TMEM132D: variants seen among roughly 807,000 people sequenced by gnomAD.
TMEM132D encodes mature OL transmembrane protein.
A neutral mutation model predicts 62.3 loss-of-function variants in TMEM132D; 21 were observed. That is an observed-to-expected ratio of 0.34 (90% confidence interval 0.24 to 0.49). The LOEUF (loss-of-function observed/expected upper bound fraction) is 0.49. TMEM132D is among the 20% of genes least tolerant of loss of function. TMEM132D has a pLI of 0.99. For missense variants in TMEM132D, 1,346 were observed against 1,402.8 expected (o/e 0.96, Z 0.65); for synonymous variants, 621 against 575.6 (o/e 1.08, Z -1.13).
chr12:129,885,472 C>T (rs1289897621), intron 1 of TMEM132D, among the ~76,000 whole-genome samples: 2 of 152,344 alleles, frequency 1.3e-5, no homozygotes, highest in South Asian at 4.1e-4. Context: ...ATGCTTGGAA[C>T]TGATCCTGGC....
chr12:129,684,087 CCTCTT>C (rs911780110), intron 2 of TMEM132D, among the ~76,000 whole-genome samples: 4 of 152,118 alleles, frequency 2.6e-5, no homozygotes, highest in African/African-American at 9.7e-5. Context: ...TGCAAAGCAA[CCTCTT>C]CTGTCTATAA....
intron 3 of TMEM132D, among the ~76,000 whole-genome samples, chr12:129,452,312 G>C (rs1873318266): frequency 6.6e-6 from 1 of 152,210 alleles, no homozygotes; most frequent in African/African-American, 2.4e-5. Context: ...ACGTACTTGG[G>C]TTTGGCAAAC....
At chr12:129,493,635 T>C (rs1874864912) in intron 3 of TMEM132D, among the ~76,000 whole-genome samples, 1 of 152,250 alleles carries the variant, frequency 6.6e-6, no homozygotes, top group African/African-American at 2.4e-5. Context: ...AGCTGCCATA[T>C]AGATGGACTG....
At chr12:129,521,821 T>C (rs1013812225) in intron 3 of TMEM132D, 1 of 152,194 alleles carries the variant, frequency 6.6e-6, no homozygotes, top group African/African-American at 2.4e-5. Context: ...CAGTTTGGGC[T>C]ATTATGGAAA....
intron 5 of TMEM132D, among the ~76,000 whole-genome samples, chr12:129,195,171 G>C (rs1055463462): frequency 1.3e-5 from 2 of 152,176 alleles, no homozygotes; most frequent in East Asian, 1.9e-4. Context: ...GGGGAGATTT[G>C]AGCAGAGACC....
At chr12:129,209,800 C>T (rs10847799) in intron 4 of TMEM132D, 137 bp from the exon 5 acceptor site, 749,645 of 1,244,078 alleles carry the variant, frequency 0.6, 234,618 homozygotes, top group Middle Eastern at 0.65. Context: ...CCTGGCAGTC[C>T]GCACCAGCTG....
intron 4 of TMEM132D, among the ~76,000 whole-genome samples, chr12:129,296,638 C>T (rs956076818): frequency 3.3e-5 from 5 of 152,120 alleles, no homozygotes; most frequent in Admixed American, 1.3e-4. Flanking sequence ...GTGTGAGATA[C>T]GTTAAAGGCA....
At chr12:129,390,428 A>G (rs1871259985) in intron 3 of TMEM132D, among the ~76,000 whole-genome samples, 1 of 134,910 alleles carries the variant, frequency 7.4e-6, no homozygotes. Flanking sequence ...CTTTCCTTCT[A>G]TGGCAAGCTG....
At chr12:129,182,104 G>A (rs979407929) in intron 5 of TMEM132D, among the ~76,000 whole-genome samples, 1 of 152,146 alleles carries the variant, frequency 6.6e-6, no homozygotes, top group East Asian at 1.9e-4. Context: ...TCTCATGCCT[G>A]TAAACCAAGC....
chr12:129,644,314 T>A lies in TMEM132D; in HGVS notation c.968+55496A>T, dbSNP rs749433743. 7.9e-5 allele frequency among the ~76,000 whole-genome samples: 12 copies of A among 152,288 alleles called. 1 individual carries two copies. The highest frequency in any genetic ancestry group is 1.3e-4 in the Non-Finnish European group (9 of 68,026). Reference sequence around the variant, plus strand: ...ACGACATGTCTCAGATTTTCAGAGTTCACAATTCTTAGAGAATCTTCGCTT... The same window carrying A: ...ACGACATGTCTCAGATTTTCAGAGTACACAATTCTTAGAGAATCTTCGCTT... On this transcript the variant is annotated intron_variant, in intron 2 of 8. Transcript: ENST00000422113.
At chr12:129,207,106 TA>T (rs1878871459) in intron 5 of TMEM132D, among the ~76,000 whole-genome samples, 1 of 151,778 alleles carries the variant, frequency 6.6e-6, no homozygotes, top group African/African-American at 2.4e-5. Context: ...AAACCTGAAA[TA>T]AAAGTTAAAA....
intron 1 of TMEM132D, among the ~76,000 whole-genome samples, chr12:129,816,017 G>T (rs1437151023): frequency 6.6e-6 from 1 of 152,194 alleles, no homozygotes; most frequent in Non-Finnish European, 1.5e-5. Context: ...CCTTGCCCAT[G>T]TTGTGTGGAA....
chr12:129,585,548 G>A (rs541058320), intron 2 of TMEM132D, among the ~76,000 whole-genome samples: 1 of 152,322 alleles, frequency 6.6e-6, no homozygotes, highest in Admixed American at 6.5e-5. Flanking sequence ...TGGCATGTAA[G>A]GAGCTGTCTC....
In TMEM132D at chr12:129,209,380, G is replaced by A. The variant is rs896339259; in HGVS notation, c.1443+140C>T. 6 of 1,026,718 alleles carry A rather than the reference G, an allele frequency of 5.8e-6. No homozygotes were observed. In the Admixed American group the frequency reaches 1.7e-4, roughly 29 times the overall value. The allele number at this position is 1,026,718 out of a possible 1,614,324, so 63.6% of individuals were successfully genotyped here. A position where few individuals can be genotyped will look rare whatever the true frequency, so the allele number is the denominator to read the frequency against. ...CCACGGAGAATGTCCTGATTTAAGT[G>A]GCAGGATAACCAGAATGGGATGGGA... On this transcript the variant is annotated intron_variant, in intron 5 of 8. Coordinates refer to ENST00000422113, the MANE Select transcript of TMEM132D (RefSeq NM_133448.3).
At chr12:129,527,459 C>G (rs1462363397) in intron 3 of TMEM132D, among the ~76,000 whole-genome samples, 6 of 152,138 alleles carry the variant, frequency 3.9e-5, no homozygotes, top group African/African-American at 1.4e-4. Context: ...AATGTACCAG[C>G]TAAGGATAGA....
intron 5 of TMEM132D, among the ~76,000 whole-genome samples, chr12:129,089,805 G>T (rs56877094): frequency 0.32 from 49,339 of 152,166 alleles, 8,172 homozygotes; most frequent in East Asian, 0.45. Flanking sequence ...CCCGGAGATA[G>T]AACTTTTCAC....
At chr12:129,793,596 G>A (rs1213293697) in intron 1 of TMEM132D, among the ~76,000 whole-genome samples, 2 of 152,180 alleles carry the variant, frequency 1.3e-5, no homozygotes, top group African/African-American at 4.8e-5. Context: ...GAACTCCTGA[G>A]CTCAAGTGAT....
At chr12:129,667,091 A>G (rs1880394839) in intron 2 of TMEM132D, among the ~76,000 whole-genome samples, 1 of 152,204 alleles carries the variant, frequency 6.6e-6, no homozygotes, top group Admixed American at 6.5e-5. Flanking sequence ...CATTAAAATC[A>G]TACTGATGTG....
In TMEM132D at chr12:129,573,512, T is replaced by C. The variant is rs567103063; in HGVS notation, c.969-42307A>G. 1.9e-4 allele frequency among the ~76,000 whole-genome samples: 29 copies of C among 152,160 alleles called. No individual in the cohort carries two copies. In the East Asian group the frequency reaches 3.9e-3, roughly 20 times the overall value. On this transcript the variant is annotated intron_variant, in intron 2 of 8. Coordinates refer to ENST00000422113, the MANE Select transcript of TMEM132D (RefSeq NM_133448.3). Reference sequence around the variant, plus strand: ...TCACCCAGTTAGTAAGTGGGAGAGGTAGAATTTGCCCTTAGATCATTAGAT... The same window carrying C: ...TCACCCAGTTAGTAAGTGGGAGAGGCAGAATTTGCCCTTAGATCATTAGAT...
Sources: gnomAD v4.1 joint callset for allele counts (sites outside exome capture counted in the v4.1 genomes callset) on GRCh38, gnomAD v4.1.1 for gene constraint, MANE v1.5 for transcripts, NCBI Gene and HGNC (gene_info 2026-07-23, HGNC 2026-07-21) for gene names.